FMN2: variants seen among roughly 807,000 people sequenced by gnomAD.
FMN2 encodes the protein formin-2.
FMN2 carries 51 observed loss-of-function variants against 142.3 expected under a neutral mutation model. That is an observed-to-expected ratio of 0.36 (90% confidence interval 0.29 to 0.45). FMN2 has a LOEUF of 0.45. Among genes scored for constraint, FMN2 ranks in the 20% least tolerant of loss-of-function variants. FMN2 has a pLI of 1.00. For synonymous variants in FMN2, 882 were observed against 869.8 expected, an observed-to-expected ratio of 1.01 and a Z score of -0.25; for missense variants, 1,936 against 2,122.8, an observed-to-expected ratio of 0.91 and a Z score of 1.73.
At chr1:240,414,400 G>C (rs530116322) in intron 15 of FMN2, among the ~76,000 whole-genome samples, 1 of 152,200 alleles carries the variant, frequency 6.6e-6, no homozygotes, top group Non-Finnish European at 1.5e-5. Context: ...GAGTGCGGTA[G>C]CACAGAGCCG....
At position 240,092,000 on chromosome 1, in the gene FMN2, C is replaced by A. The variant is rs2103154141; in HGVS notation, c.-110C>A. 2 of 1,379,382 alleles carry A rather than the reference C, an allele frequency of 1.4e-6. No individual in the cohort carries two copies. The highest frequency in any genetic ancestry group is 3.5e-5 in the South Asian group (2 of 57,068). The allele number at this position is 1,379,382 out of a possible 1,614,324, so 85.4% of individuals were successfully genotyped here. On this transcript the variant is annotated 5_prime_UTR_variant, in exon 1 of 18. Transcript: ENST00000319653. ...GGCCTCCCCTCCCAGCGGCTCCCCC[C>A]GCCGCCGCCTGACTCTCCCGGGAGA... is the stretch of plus-strand genomic sequence containing the variant.
intron 7 of FMN2, among the ~76,000 whole-genome samples, chr1:240,279,616 G>A (rs1413443639): frequency 3.9e-5 from 6 of 152,100 alleles, no homozygotes; most frequent in African/African-American, 1.2e-4. Context: ...TAGAACAGAG[G>A]CCTTTCTATC....
intron 5 of FMN2, 62 bp from the exon 6 acceptor site, chr1:240,211,029 A>G (rs1285169464): frequency 1.6e-5 from 24 of 1,484,870 alleles, no homozygotes; most frequent in East Asian, 2.4e-5. Context: ...CTTTCTATTT[A>G]TGCTTGCTGT....
At chr1:240,159,827 T>A (rs1664185611) in intron 2 of FMN2, among the ~76,000 whole-genome samples, 1 of 150,752 alleles carries the variant, frequency 6.6e-6, no homozygotes, top group Non-Finnish European at 1.5e-5. Context: ...TTGCTCTCTC[T>A]TGAGTGCTTA....
chr1:240,327,838 T>C (rs1671221320), intron 8 of FMN2, among the ~76,000 whole-genome samples: 1 of 151,512 alleles, frequency 6.6e-6, no homozygotes, highest in Admixed American at 6.6e-5. Flanking sequence ...AAGCATGGAG[T>C]CATTTTTGTA....
At chr1:240,218,525 C>T (rs1217836866) in intron 6 of FMN2, among the ~76,000 whole-genome samples, 1 of 151,420 alleles carries the variant, frequency 6.6e-6, no homozygotes, top group Non-Finnish European at 1.5e-5. Context: ...CCACTGCCCT[C>T]CAGCCTAGGC....
intron 15 of FMN2, among the ~76,000 whole-genome samples, chr1:240,420,402 C>T (rs1035709987): frequency 7.0e-4 from 106 of 152,192 alleles, no homozygotes; most frequent in African/African-American, 2.5e-3. Context: ...CTTCCTGAAT[C>T]GCTCCACTAC....
intron 5 of FMN2, among the ~76,000 whole-genome samples, chr1:240,210,445 A>T (rs76800060): frequency 0.015 from 2,261 of 152,180 alleles, 52 homozygotes; most frequent in African/African-American, 0.051. Flanking sequence ...GTATATTCTG[A>T]TGACTTTTAA....
In FMN2 at chr1:240,335,000, A is replaced by G. The variant is rs557635862; in HGVS notation, c.4765+771A>G. On this transcript the variant is annotated intron_variant, in intron 13 of 17. Coordinates refer to ENST00000319653, the MANE Select transcript of FMN2 (RefSeq NM_020066.5). ...TGGTTACCCCTGTCCAGAAACCAAA[A>G]AGATAGAACTTTTTAAGAGACTCCC... Among the ~76,000 whole-genome samples, 80 of 152,268 alleles carry G rather than the reference A, an allele frequency of 5.3e-4. 1 individual carries two copies. The South Asian group carries it at 0.016, about 31-fold the overall frequency.
At chr1:240,258,097 G>T (rs1048935133) in intron 7 of FMN2, 65 bp downstream of exon 7, 2 of 1,224,614 alleles carry the variant, frequency 1.6e-6, no homozygotes, top group Non-Finnish European at 2.4e-6. Flanking sequence ...TATGATGTTT[G>T]TTGGTAATGT....
chr1:240,191,105 A>C (rs929184534), intron 4 of FMN2, among the ~76,000 whole-genome samples: 3 of 152,108 alleles, frequency 2.0e-5, no homozygotes, highest in Non-Finnish European at 4.4e-5. Context: ...GTAATGTGAG[A>C]TCCCCAGGAC....
intron 14 of FMN2, among the ~76,000 whole-genome samples, chr1:240,364,006 G>A (rs912150218): frequency 6.6e-6 from 1 of 152,200 alleles, no homozygotes; most frequent in Non-Finnish European, 1.5e-5. Flanking sequence ...AAAGGTCATA[G>A]GATAACAATT....
At chr1:240,152,404 A>G (rs1663824768) in intron 2 of FMN2, among the ~76,000 whole-genome samples, 1 of 151,476 alleles carries the variant, frequency 6.6e-6, no homozygotes, top group African/African-American at 2.4e-5. Flanking sequence ...AATTCACCCC[A>G]CTCTAATTCC....
At chr1:240,416,137 A>G (rs1674567900) in intron 15 of FMN2, among the ~76,000 whole-genome samples, 1 of 152,164 alleles carries the variant, frequency 6.6e-6, no homozygotes, top group Admixed American at 6.5e-5. Context: ...TCTCATCTGG[A>G]TACTTCTCTC....
intron 8 of FMN2, among the ~76,000 whole-genome samples, chr1:240,308,496 T>C (rs1316441543): frequency 6.6e-6 from 1 of 152,108 alleles, no homozygotes; most frequent in Non-Finnish European, 1.5e-5. Context: ...TTTAGTTTCG[T>C]GTCTAGTGAT....
chr1:240,110,762 A>G (rs1270545129), intron 1 of FMN2, among the ~76,000 whole-genome samples: 3 of 152,210 alleles, frequency 2.0e-5, no homozygotes, highest in African/African-American at 2.4e-5. Flanking sequence ...TTTAATGAAT[A>G]TTATTTTTGA....
chr1:240,136,136 T>G (rs575957746), intron 2 of FMN2, among the ~76,000 whole-genome samples: 3 of 152,190 alleles, frequency 2.0e-5, no homozygotes, highest in African/African-American at 7.2e-5. Context: ...TTATTATGTT[T>G]AAGCCTATTT....
chr1:240,241,720 C>T (rs1667902375), intron 6 of FMN2, among the ~76,000 whole-genome samples: 1 of 151,452 alleles, frequency 6.6e-6, no homozygotes, highest in Non-Finnish European at 1.5e-5. Flanking sequence ...TGTTTAACAG[C>T]TTCTATTCTA....
chr1:240,157,870 C>T (rs1030758054), intron 2 of FMN2, among the ~76,000 whole-genome samples: 2 of 151,218 alleles, frequency 1.3e-5, no homozygotes, highest in African/African-American at 4.9e-5. Flanking sequence ...GACGTGGTGG[C>T]TCACTCCTGT....
Sources: gnomAD v4.1 joint callset for allele counts (sites outside exome capture counted in the v4.1 genomes callset) on GRCh38, gnomAD v4.1.1 for gene constraint, MANE v1.5 for transcripts, NCBI Gene and HGNC (gene_info 2026-07-23, HGNC 2026-07-21) for gene names.